Variants in SLC38A10 observed in about 807,000 individuals in gnomAD.
SLC38A10 encodes the protein Sodium-coupled neutral amino acid transporter 10.
SLC38A10 carries 53 observed loss-of-function variants against 81.0 expected under a neutral mutation model. That is an observed-to-expected ratio of 0.65 (90% confidence interval 0.53 to 0.82). The LOEUF is 0.82. SLC38A10 is among the 40% of genes least tolerant of loss of function. The probability of loss-of-function intolerance (pLI) is 0.00; values close to 1 mark genes in which losing one functional copy is unlikely to be tolerated. For synonymous variants in SLC38A10, 665 were observed against 655.3 expected (o/e 1.01, Z -0.23); for missense variants, 1,471 against 1,545.0 (o/e 0.95, Z 0.80).
chr17:81,282,637 T>C (rs1256787425), intron 4 of SLC38A10, among the ~76,000 whole-genome samples: 1 of 152,160 alleles, frequency 6.6e-6, no homozygotes, highest in African/African-American at 2.4e-5. Flanking sequence ...TGAGTCGGAC[T>C]CAGCTGCCCT....
chr17:81,276,902 G>T lies in SLC38A10; in HGVS notation c.729+129C>A. 1 of 884,734 alleles carries T rather than the reference G, an allele frequency of 1.1e-6. No homozygotes were observed. 54.8% of individuals were successfully genotyped at this position (884,734 alleles called of 1,614,324 possible). ...GTCCCCGCGCAGCCTCCAGACACTG[G>T]GATGGGAACAGAGAGAAAAACCCAG... On this transcript the variant is annotated intron_variant, in intron 7 of 15. Coordinates refer to ENST00000374759, the MANE Select transcript of SLC38A10 (RefSeq NM_001037984.3). This position sits in a 1 kb window ranked among gnomAD's most constrained non-coding sequence, Gnocchi z 4.7.
At chr17:81,271,887 C>T (rs987535813) in intron 9 of SLC38A10, among the ~76,000 whole-genome samples, 6 of 151,902 alleles carry the variant, frequency 3.9e-5, no homozygotes, top group East Asian at 1.9e-4. Flanking sequence ...CCACCACGCC[C>T]GGCTAATTTT....
rs146451017 is a variant in SLC38A10 at position 81,281,226 on chromosome 17, C to T, written c.502-493G>A. ...TCGGAGAGCTGAGGAGCACTGGAGA[C>T]CCTGGCTTCAATGACCACCTGGCCT... On this transcript the variant is annotated intron_variant, in intron 5 of 15. Coordinates refer to ENST00000374759, the MANE Select transcript of SLC38A10 (RefSeq NM_001037984.3). This position sits in a 1 kb window ranked among gnomAD's most constrained non-coding sequence, Gnocchi z 5.3. Among the ~76,000 whole-genome samples the T allele has an allele frequency of 2.4e-3, 358 of 152,316 alleles. 5 individuals carry two copies. Among genetic ancestry groups the T allele is most frequent in the Middle Eastern group, 0.02 (6 of 294 alleles).
At chr17:81,278,308 C>T (rs1043691041) in intron 6 of SLC38A10, among the ~76,000 whole-genome samples, 7 of 152,116 alleles carry the variant, frequency 4.6e-5, no homozygotes, top group East Asian at 1.9e-4. Context: ...CACTGGAGCC[C>T]GGGAGGTCGA....
intron 6 of SLC38A10, among the ~76,000 whole-genome samples, chr17:81,278,967 G>A (rs937976497): frequency 6.6e-6 from 1 of 152,212 alleles, no homozygotes; most frequent in Non-Finnish European, 1.5e-5. Context: ...CAAGGTAGGA[G>A]CCACAAAACC....
At position 81,270,274 on chromosome 17, in the gene SLC38A10, T is replaced by C. The variant is rs1046483723; in HGVS notation, c.1131+644A>G. ...TTCTAGAAGGCTTCCTACAGACGCG[T>C]GCTCAAATACGTCGACATGCTCATG... On this transcript the variant is annotated intron_variant, in intron 10 of 15. Coordinates refer to ENST00000374759, the MANE Select transcript of SLC38A10 (RefSeq NM_001037984.3). The surrounding 1 kb of genome is among the most constrained non-coding windows in gnomAD (Gnocchi z 4.0). 6.6e-6 allele frequency among the ~76,000 whole-genome samples: 1 copy of C among 152,146 alleles called. No individual in the cohort carries two copies. Among genetic ancestry groups the C allele is most frequent in the African/African-American group, 2.4e-5 (1 of 41,414 alleles).
At chr17:81,285,010 C>T in intron 2 of SLC38A10, 115 bp from the exon 3 acceptor site, 3 of 829,948 alleles carry the variant, frequency 3.6e-6, no homozygotes, top group Non-Finnish European at 5.3e-6. Flanking sequence ...GGCCCAGATT[C>T]TCCGGGGCAT....
chr17:81,284,229 G>A (rs1362147532), intron 3 of SLC38A10, among the ~76,000 whole-genome samples: 1 of 151,994 alleles, frequency 6.6e-6, no homozygotes, highest in Non-Finnish European at 1.5e-5. Context: ...CTGGTGGCAC[G>A]CGCCTGTAAT....
intron 10 of SLC38A10, among the ~76,000 whole-genome samples, chr17:81,266,290 C>A (rs1567935479): frequency 6.6e-6 from 1 of 152,218 alleles, no homozygotes; most frequent in Non-Finnish European, 1.5e-5. Context: ...CCTATGAAAT[C>A]TCTAACTTCC....
chr17:81,263,317 G>C (rs560281292), intron 10 of SLC38A10: 1 of 152,486 alleles, frequency 6.6e-6, no homozygotes, highest in Admixed American at 6.5e-5. Flanking sequence ...ACCCAACCCC[G>C]CCCGCTGCCA....
Position 81,283,475 on chromosome 17 carries a change from G to A in SLC38A10, c.291C>T (p.Cys97=). The A allele has an allele frequency of 6.2e-7, 1 of 1,611,944 alleles. No homozygotes were observed. The highest frequency in any genetic ancestry group is 8.5e-7 in the Non-Finnish European group (1 of 1,179,114). Residue 97 remains cysteine (C), a synonymous_variant, in exon 4 of 16, where the codon TGC becomes TGT. Transcript: ENST00000374759. This position sits in a 1 kb window ranked among gnomAD's most constrained non-coding sequence, Gnocchi z 4.7. ...TSMIGLMLGT[C]IAFYVVIGDL... ...CGCCGATCACGACGTAGAAGGCGATGCAGGTGCCCAGCATCAGCCCGATCA... is the reference window on the plus strand; with the variant it reads ...CGCCGATCACGACGTAGAAGGCGATACAGGTGCCCAGCATCAGCCCGATCA...
rs1366414893 is a variant in SLC38A10 at position 81,283,817 on chromosome 17, G to T, written c.264-315C>A. ...GTAGAGACGGGGTTGCACCGTGTTA[G>T]CCAGGATGGTCTCGATCTCCTGACC... On this transcript the variant is annotated intron_variant, in intron 3 of 15. Transcript: ENST00000374759. This position sits in a 1 kb window ranked among gnomAD's most constrained non-coding sequence, Gnocchi z 4.7. 6.6e-6 allele frequency among the ~76,000 whole-genome samples: 1 copy of T among 151,432 alleles called. No homozygotes were observed. The highest frequency in any genetic ancestry group is 6.6e-5 in the Admixed American group (1 of 15,226).
intron 14 of SLC38A10, among the ~76,000 whole-genome samples, chr17:81,248,040 C>T (rs8068159): frequency 0.57 from 82,067 of 143,994 alleles, 25,074 homozygotes; most frequent in African/African-American, 0.84. Context: ...TCACTGCAAG[C>T]TCCGCCTCCC....
intron 6 of SLC38A10, among the ~76,000 whole-genome samples, chr17:81,279,456 TG>T (rs1024492151): frequency 6.6e-6 from 1 of 151,554 alleles, no homozygotes; most frequent in Non-Finnish European, 1.5e-5. Flanking sequence ...GGTTCAGAGG[TG>T]GGGAGGTCAG....
Position 81,253,248 on chromosome 17 carries a change from C to T in SLC38A10, c.1289-8G>A. The T allele has an allele frequency of 1.9e-6, 3 of 1,613,320 alleles. No homozygotes were observed. Among genetic ancestry groups the T allele is most frequent in the Non-Finnish European group, 2.5e-6 (3 of 1,179,882 alleles). On this transcript the variant is annotated splice_region_variant and splice_polypyrimidine_tract_variant and intron_variant, in intron 11 of 15. Transcript: ENST00000374759. The surrounding 1 kb of genome is among the most constrained non-coding windows in gnomAD (Gnocchi z 4.1). ...CCACAACCGGATCCTGGGCTGGGAG[C>T]AGGGCACAGTTAGGGAACTGCACTG...
chr17:81,290,848 A>T (rs925814604), intron 1 of SLC38A10, among the ~76,000 whole-genome samples: 2 of 152,102 alleles, frequency 1.3e-5, no homozygotes, highest in Non-Finnish European at 2.9e-5. Context: ...TCTACTAAAA[A>T]TACAAAAATT....
Position 81,294,421 on chromosome 17 carries a change from C to G in SLC38A10, c.99+402G>C, listed in dbSNP as rs535919621. Among the ~76,000 whole-genome samples the G allele has an allele frequency of 9.2e-5, 14 of 152,286 alleles. No individual in the cohort carries two copies. The South Asian group carries it at 1.7e-3, about 18-fold the overall frequency. On this transcript the variant is annotated intron_variant, in intron 1 of 15. Coordinates refer to ENST00000374759, the MANE Select transcript of SLC38A10 (RefSeq NM_001037984.3). The stretch of plus-strand genomic sequence containing the variant: ...TGCAACCAAGGTCCCTATCTAGTGT[C>G]GAAGCCTGGGAGTGGTGAGTTGTGT...
chr17:81,258,334 G>C (rs918335126), intron 11 of SLC38A10, among the ~76,000 whole-genome samples: 1 of 152,174 alleles, frequency 6.6e-6, no homozygotes, highest in African/African-American at 2.4e-5. Flanking sequence ...GAAAATCAGA[G>C]ACACGCTAAA....
In SLC38A10 at chr17:81,294,984, G is replaced by A; in HGVS notation, c.-63C>T. 2 of 1,512,558 alleles carry A rather than the reference G, an allele frequency of 1.3e-6. No individual in the cohort carries two copies. Among genetic ancestry groups the A allele is most frequent in the Non-Finnish European group, 1.8e-6 (2 of 1,130,846 alleles). The allele number at this position is 1,512,558 out of a possible 1,614,324, so 93.7% of individuals were successfully genotyped here. A position where few individuals can be genotyped will look rare whatever the true frequency, so the allele number is the denominator to read the frequency against. ...GGGTCGCCGGGCTGCGGCCGGCTTT[G>A]GAAGCCCAGCCCGAGGCCACGGTCA... is the stretch of plus-strand genomic sequence containing the variant. On this transcript the variant is annotated 5_prime_UTR_variant, in exon 1 of 16. Coordinates refer to ENST00000374759, the MANE Select transcript of SLC38A10 (RefSeq NM_001037984.3).
Sources: gnomAD v4.1 joint callset for allele counts (sites outside exome capture counted in the v4.1 genomes callset) on GRCh38, gnomAD v4.1.1 for gene constraint, Gnocchi (gnomAD v3.1) non-coding constraint, MANE v1.5 for transcripts, NCBI Gene and HGNC (gene_info 2026-07-23, HGNC 2026-07-21) for gene names.